The following TPRG1 variants were observed in gnomAD, a reference collection of about 807,000 sequenced individuals.
TPRG1 encodes tumor protein p63 regulated 1.
In TPRG1, 29 loss-of-function variants were observed where a neutral mutation model predicts 29.3. The ratio of observed to expected loss-of-function variants is 0.99; its 90% confidence interval spans 0.74 to 1.35. TPRG1 has a LOEUF of 1.35. TPRG1 is among the 40% of genes most tolerant of loss of function. The pLI, the probability that TPRG1 is intolerant of heterozygous loss-of-function variation, is 0.00. For synonymous variants in TPRG1, 130 were observed against 116.8 expected, an observed-to-expected ratio of 1.11 and a Z score of -0.73; for missense variants, 327 against 335.0, an observed-to-expected ratio of 0.98 and a Z score of 0.19.
intron 4 of TPRG1, among the ~76,000 whole-genome samples, chr3:189,086,351 A>G (rs1187641258): frequency 2.0e-5 from 3 of 147,554 alleles, no homozygotes; most frequent in Non-Finnish European, 4.5e-5. Flanking sequence ...CCACTGATTC[A>G]AATTTTTTTT....
chr3:189,265,641 G>A (rs575546107), intron 4 of TPRG1, among the ~76,000 whole-genome samples: 12 of 152,306 alleles, frequency 7.9e-5, no homozygotes, highest in East Asian at 1.9e-4. Context: ...GCAAGTTAAA[G>A]GCTAGCAGAA....
At chr3:189,254,616 C>A (rs1024005013) in intron 4 of TPRG1, among the ~76,000 whole-genome samples, 3 of 151,996 alleles carry the variant, frequency 2.0e-5, no homozygotes, top group Admixed American at 2.0e-4. Flanking sequence ...TTGGGCAGTA[C>A]GGCCATTTTC....
intron 4 of TPRG1, among the ~76,000 whole-genome samples, chr3:189,301,298 CAAAAAAAAAAAAA>C (rs10618021): frequency 1.1e-4 from 5 of 43,604 alleles, no homozygotes; most frequent in East Asian, 1.1e-3. Flanking sequence ...GACTCCATCT[CAAAAAAAAAAAAA>C]AAAAAAAAAA....
intron 1 of TPRG1, among the ~76,000 whole-genome samples, chr3:189,186,985 G>GTTTTTTT (rs397875585): frequency 4.8e-4 from 43 of 88,928 alleles, no homozygotes; most frequent in Admixed American, 7.2e-4. Flanking sequence ...CATCTAAAGT[G>GTTTTTTT]TTTTTTTTTT....
chr3:189,295,918 A>AG (rs1719841438), intron 4 of TPRG1, among the ~76,000 whole-genome samples: 1 of 99,388 alleles, frequency 1.0e-5, no homozygotes, highest in East Asian at 2.2e-4. Flanking sequence ...TGCTTTAAAA[A>AG]AAAAAAAAAA....
In TPRG1 at chr3:189,248,406, C is replaced by A. The variant is rs1424281018; in HGVS notation, c.479+9497C>A. On this transcript the variant is annotated intron_variant, in intron 4 of 5. Transcript: ENST00000345063. Reference sequence around the variant, plus strand: ...TGATTGTTTGATAGATTTTAAAGTACCACTTCTTTTGGGTTTACTTGTTCA... The same window carrying A: ...TGATTGTTTGATAGATTTTAAAGTAACACTTCTTTTGGGTTTACTTGTTCA... Among the ~76,000 whole-genome samples the A allele has an allele frequency of 5.3e-5, 8 of 151,704 alleles. No homozygotes were observed. In the East Asian group the frequency reaches 1.5e-3, roughly 29 times the overall value.
intron 4 of TPRG1, among the ~76,000 whole-genome samples, chr3:189,058,201 G>A (rs978689214): frequency 2.6e-5 from 4 of 152,094 alleles, no homozygotes; most frequent in Non-Finnish European, 5.9e-5. Context: ...CACTTAGGAA[G>A]AGCGAGGTCC....
At chr3:189,231,595 A>C (rs12487303) in intron 3 of TPRG1, among the ~76,000 whole-genome samples, 1 of 152,140 alleles carries the variant, frequency 6.6e-6, no homozygotes, top group African/African-American at 2.4e-5. Flanking sequence ...CAACAGTCCT[A>C]TGAGGAATAC....
At chr3:189,288,301 A>G (rs1270340042) in intron 4 of TPRG1, among the ~76,000 whole-genome samples, 32 of 152,248 alleles carry the variant, frequency 2.1e-4, no homozygotes, top group Non-Finnish European at 8.8e-5. Flanking sequence ...TATAAACTTT[A>G]GGATTTTTTT....
intron 4 of TPRG1, among the ~76,000 whole-genome samples, chr3:189,032,222 T>G (rs990400054): frequency 1.3e-5 from 2 of 152,112 alleles, no homozygotes; most frequent in South Asian, 4.1e-4. Context: ...AAAGAAAATG[T>G]GATGACTGAA....
At chr3:189,310,301 T>C (rs71308955) in intron 4 of TPRG1, 85 bp from the exon 5 acceptor site, 67,456 of 1,219,178 alleles carry the variant, frequency 0.055, 2,250 homozygotes, top group Non-Finnish European at 0.065. Flanking sequence ...GGAGTTAATA[T>C]GAAGGCTGAC....
At chr3:189,054,279 C>T (rs1222855575) in intron 4 of TPRG1, among the ~76,000 whole-genome samples, 2 of 152,038 alleles carry the variant, frequency 1.3e-5, no homozygotes, top group African/African-American at 4.8e-5. Context: ...AGAGTATACA[C>T]ATTTGTCAAT....
At chr3:189,195,241 G>A (rs895768864) in intron 1 of TPRG1, among the ~76,000 whole-genome samples, 5 of 152,126 alleles carry the variant, frequency 3.3e-5, no homozygotes, top group African/African-American at 1.2e-4. Context: ...TCAAGGCACT[G>A]TTTCCTGGGA....
At chr3:189,124,246 G>A (rs1404112723) in intron 1 of TPRG1, among the ~76,000 whole-genome samples, 2 of 152,042 alleles carry the variant, frequency 1.3e-5, no homozygotes, top group East Asian at 1.9e-4. Flanking sequence ...TCAGTCTAAC[G>A]GAAGAAGCAG....
At chr3:189,271,392 T>C (rs547634543) in intron 4 of TPRG1, among the ~76,000 whole-genome samples, 3 of 152,202 alleles carry the variant, frequency 2.0e-5, no homozygotes, top group Non-Finnish European at 4.4e-5. Context: ...TGCAGCTGTT[T>C]GCAGAGTCTT....
chr3:189,290,195 A>G (rs1718764962), intron 4 of TPRG1, among the ~76,000 whole-genome samples: 1 of 152,188 alleles, frequency 6.6e-6, no homozygotes, highest in Admixed American at 6.5e-5. Context: ...CTACTTTTCT[A>G]TTCTATCTAT....
chr3:189,209,754 A>G (rs1401930090), intron 2 of TPRG1, among the ~76,000 whole-genome samples: 1 of 152,218 alleles, frequency 6.6e-6, no homozygotes, highest in African/African-American at 2.4e-5. Flanking sequence ...AGTGTTTTCA[A>G]TGACTGATTC....
intron 4 of TPRG1, among the ~76,000 whole-genome samples, chr3:189,263,056 C>T (rs1353128037): frequency 6.6e-6 from 1 of 152,240 alleles, no homozygotes; most frequent in Non-Finnish European, 1.5e-5. Flanking sequence ...CATCTCTGCA[C>T]TTCTGCCACA....
Position 189,238,799 on chromosome 3 carries a change from C to T in TPRG1, c.369C>T (p.Cys123=), listed in dbSNP as rs948078467. ...LLVTDKTLLI[C]KYDFIMLSCV... ...TCACAGACAAGACTCTCTTGATCTG[C>T]AAATACGACTTCATCATGCTGAGTT... Residue 123 remains cysteine, a synonymous_variant, in exon 4 of 6, where the codon TGC becomes TGT. Transcript: ENST00000345063. 21 of 1,613,804 alleles carry T rather than the reference C, an allele frequency of 1.3e-5. No individual in the cohort carries two copies. Among genetic ancestry groups the T allele is most frequent in the Non-Finnish European group, 1.4e-5 (16 of 1,179,748 alleles).
Sources: allele counts gnomAD v4.1 joint callset (sites outside exome capture counted in the v4.1 genomes callset), GRCh38; gene constraint gnomAD v4.1.1; transcripts MANE v1.5; gene names NCBI Gene and HGNC (gene_info 2026-07-23, HGNC 2026-07-21).